CLNK: variants seen among roughly 807,000 people sequenced by gnomAD.
CLNK encodes the protein cytokine-dependent hematopoietic cell linker.
In CLNK, 74 loss-of-function variants were observed where a neutral mutation model predicts 68.6. The observed-to-expected ratio is 1.08, with a 90% CI of 0.89 to 1.31. The LOEUF (loss-of-function observed/expected upper bound fraction) is 1.31, where lower values mean the gene tolerates loss of function less well. Among genes scored for constraint, CLNK ranks in the 50% most tolerant of loss-of-function variants. The pLI, the probability that CLNK is intolerant of heterozygous loss-of-function variation, is 0.00. For missense variants in CLNK, 553 were observed against 515.3 expected (o/e 1.07, Z -0.71); for synonymous variants, 198 against 172.2 (o/e 1.15, Z -1.17).
intron 8 of CLNK, among the ~76,000 whole-genome samples, chr4:10,551,868 G>A (rs1309152590): frequency 2.1e-5 from 3 of 141,858 alleles, no homozygotes; most frequent in African/African-American, 7.8e-5. Flanking sequence ...TTTTTTTTGA[G>A]ACTGAGTCTC....
chr4:10,651,288 G>A (rs1723725001), intron 2 of CLNK, among the ~76,000 whole-genome samples: 3 of 152,104 alleles, frequency 2.0e-5, no homozygotes, highest in Admixed American at 2.0e-4. Context: ...CCAAAGACTT[G>A]GAACCAACCC....
the CLNK span, among the ~76,000 whole-genome samples, chr4:10,694,185 C>T: frequency 6.6e-6 from 1 of 151,546 alleles, no homozygotes; most frequent in East Asian, 1.9e-4. Flanking sequence ...TAAGTACAGC[C>T]AAATATACCG....
At chr4:10,575,525 T>A (rs1437637203) in intron 4 of CLNK, among the ~76,000 whole-genome samples, 2 of 152,258 alleles carry the variant, frequency 1.3e-5, no homozygotes, top group Non-Finnish European at 2.9e-5. Context: ...GCAGTGAGAA[T>A]GCTGCACACA....
At chr4:10,501,046 G>A (rs1375551142) in intron 18 of CLNK, among the ~76,000 whole-genome samples, 10 of 152,238 alleles carry the variant, frequency 6.6e-5, no homozygotes. Context: ...GCAACGCAGG[G>A]AATGGGGGTG....
chr4:10,700,811 C>T, the CLNK span, among the ~76,000 whole-genome samples: 1 of 152,060 alleles, frequency 6.6e-6, no homozygotes, highest in Non-Finnish European at 1.5e-5. Flanking sequence ...TAAACAATGG[C>T]AAACTAATAC....
intron 2 of CLNK, among the ~76,000 whole-genome samples, chr4:10,646,142 G>C (rs1723501780): frequency 6.6e-6 from 1 of 152,170 alleles, no homozygotes; most frequent in South Asian, 2.1e-4. Context: ...CAATTTGAGT[G>C]TGGGTATGTG....
chr4:10,600,833 G>A (rs1392653329), intron 2 of CLNK, among the ~76,000 whole-genome samples: 1 of 152,104 alleles, frequency 6.6e-6, no homozygotes, highest in Non-Finnish European at 1.5e-5. Context: ...ATGTCTCTAG[G>A]TTATTGGCAA....
the CLNK span, among the ~76,000 whole-genome samples, chr4:10,710,357 C>T: frequency 3.3e-5 from 5 of 152,090 alleles, no homozygotes; most frequent in African/African-American, 7.2e-5. Flanking sequence ...GTCCTTCAAT[C>T]ACAATTAAAA....
chr4:10,710,153 G>A, the CLNK span, among the ~76,000 whole-genome samples: 1 of 152,140 alleles, frequency 6.6e-6, no homozygotes, highest in Admixed American at 6.5e-5. Context: ...GAGGCAAAAG[G>A]GAGCTACCCA....
intron 8 of CLNK, among the ~76,000 whole-genome samples, chr4:10,551,434 T>C (rs1012737264): frequency 6.6e-6 from 1 of 151,382 alleles, no homozygotes; most frequent in Admixed American, 6.6e-5. Context: ...TATATATATT[T>C]TTTTTTAGTA....
intron 3 of CLNK, among the ~76,000 whole-genome samples, chr4:10,587,536 G>T (rs1191490098): frequency 6.6e-6 from 1 of 152,118 alleles, no homozygotes; most frequent in Non-Finnish European, 1.5e-5. Context: ...TATTTATGAG[G>T]TCTCTTCGGT....
At chr4:10,672,858 G>A (rs1443352920) in intron 1 of CLNK, among the ~76,000 whole-genome samples, 1 of 152,096 alleles carries the variant, frequency 6.6e-6, no homozygotes, top group Non-Finnish European at 1.5e-5. Context: ...TGAACACACC[G>A]ATTTTTCTCA....
At chr4:10,523,186 G>A (rs551402103) in intron 14 of CLNK, among the ~76,000 whole-genome samples, 23 of 152,336 alleles carry the variant, frequency 1.5e-4, no homozygotes, top group African/African-American at 4.8e-4. Flanking sequence ...GAAGAGTGAC[G>A]ATGGGAAAGA....
the CLNK span, among the ~76,000 whole-genome samples, chr4:10,733,680 C>T: frequency 1.3e-5 from 2 of 152,198 alleles, no homozygotes; most frequent in Non-Finnish European, 1.5e-5. Flanking sequence ...CTGCCATATG[C>T]CAGGCACCAT....
At chr4:10,706,329 G>A in the CLNK span, among the ~76,000 whole-genome samples, 1 of 152,140 alleles carries the variant, frequency 6.6e-6, no homozygotes, top group Non-Finnish European at 1.5e-5. Flanking sequence ...GGGCTAAAGG[G>A]ATTTATTGGG....
intron 2 of CLNK, among the ~76,000 whole-genome samples, chr4:10,662,826 T>C (rs192586210): frequency 1.4e-3 from 216 of 152,380 alleles, no homozygotes; most frequent in Non-Finnish European, 2.4e-3. Flanking sequence ...CTTTGTAATT[T>C]GTATATTTTC....
chr4:10,683,066 A>C (rs1725150670), intron 1 of CLNK, among the ~76,000 whole-genome samples: 1 of 152,174 alleles, frequency 6.6e-6, no homozygotes, highest in Non-Finnish European at 1.5e-5. Context: ...ACGTAATATA[A>C]ATATTATATT....
chr4:10,532,718 T>A (rs938141197), intron 11 of CLNK, among the ~76,000 whole-genome samples: 2 of 152,040 alleles, frequency 1.3e-5, no homozygotes, highest in African/African-American at 4.8e-5. Flanking sequence ...GGAAAGCAAG[T>A]GTAAGAGAGA....
At chr4:10,619,698 G>A (rs1017227609) in intron 2 of CLNK, among the ~76,000 whole-genome samples, 1 of 152,204 alleles carries the variant, frequency 6.6e-6, no homozygotes, top group Admixed American at 6.5e-5. Context: ...TCAAAAGACA[G>A]AATTAAACAA....
Sources: gnomAD v4.1 joint callset for allele counts (sites outside exome capture counted in the v4.1 genomes callset) on GRCh38, gnomAD v4.1.1 for gene constraint, MANE v1.5 for transcripts, NCBI Gene and HGNC (gene_info 2026-07-23, HGNC 2026-07-21) for gene names.